The following PGR variants were observed in gnomAD, a reference collection of about 807,000 sequenced individuals.
PGR encodes the protein progesterone receptor.
A neutral mutation model predicts 76.1 loss-of-function variants in PGR; 25 were observed. The observed-to-expected ratio is 0.33, with a 90% CI of 0.24 to 0.46. The LOEUF (loss-of-function observed/expected upper bound fraction) is 0.46. Ranked by LOEUF, PGR falls within the 20% of genes least tolerant of loss-of-function variation. PGR has a pLI of 1.00. For synonymous variants in PGR, 579 were observed against 535.0 expected (o/e 1.08, Z -1.14); for missense variants, 1,172 against 1,225.3 (o/e 0.96, Z 0.65).
At chr11:101,066,333 C>T (rs1860713789) in intron 3 of PGR, among the ~76,000 whole-genome samples, 1 of 152,174 alleles carries the variant, frequency 6.6e-6, no homozygotes, top group African/African-American at 2.4e-5. Flanking sequence ...TTTTAACGCT[C>T]TTATTCATTT....
chr11:101,031,942 C>T lies in PGR; in HGVS notation c.*7174G>A, dbSNP rs577774701. 16 of 231,642 alleles carry T rather than the reference C, an allele frequency of 6.9e-5. No homozygotes were observed. Among genetic ancestry groups the T allele is most frequent in the South Asian group, 3.6e-4 (2 of 5,512 alleles). 14.3% of individuals were successfully genotyped at this position (231,642 alleles called of 1,614,324 possible). On this transcript the variant is annotated 3_prime_UTR_variant, in exon 8 of 8. Coordinates refer to ENST00000325455, the MANE Select transcript of PGR (RefSeq NM_000926.4). ...AAACTTGAACTGCTCTAGTCTTACC[C>T]GTGTGTATAGACCTGGACTTTGAGG... is the stretch of plus-strand genomic sequence containing the variant.
intron 6 of PGR, 128 bp downstream of exon 6, chr11:101,049,801 T>C (rs1436074035): frequency 5.8e-6 from 4 of 693,044 alleles, no homozygotes; most frequent in Non-Finnish European, 9.8e-6. Context: ...ATATATTGGG[T>C]ATTTCTTCTT....
intron 2 of PGR, among the ~76,000 whole-genome samples, chr11:101,100,739 G>T (rs1366685061): frequency 6.6e-6 from 1 of 151,956 alleles, no homozygotes; most frequent in South Asian, 2.1e-4. Flanking sequence ...TTCCTCACCA[G>T]GACATTTCAC....
At chr11:101,098,853 C>G (rs1389276683) in intron 2 of PGR, among the ~76,000 whole-genome samples, 3 of 152,182 alleles carry the variant, frequency 2.0e-5, no homozygotes, top group African/African-American at 7.2e-5. Context: ...AAACACTACA[C>G]AGAAAATGCC....
intron 7 of PGR, 91 bp downstream of exon 7, chr11:101,041,854 T>C: frequency 8.7e-7 from 1 of 1,144,924 alleles, no homozygotes; most frequent in Non-Finnish European, 1.3e-6. Context: ...TCTGAGAAAA[T>C]CATACAAAGT....
At chr11:101,127,343 G>T in intron 1 of PGR, 91 bp downstream of exon 1, 1 of 967,306 alleles carries the variant, frequency 1.0e-6, no homozygotes, top group Non-Finnish European at 1.4e-6. Flanking sequence ...GCAGCGGTGC[G>T]CTGGGGCTGG....
chr11:101,039,782 C>T (rs1220089046), intron 7 of PGR, among the ~76,000 whole-genome samples: 2 of 151,984 alleles, frequency 1.3e-5, no homozygotes, highest in Non-Finnish European at 2.9e-5. Context: ...AAAACAGCAG[C>T]AGCAGCAGCA....
At chr11:101,040,778 G>A (rs1220240392) in intron 7 of PGR, among the ~76,000 whole-genome samples, 4 of 151,964 alleles carry the variant, frequency 2.6e-5, no homozygotes, top group East Asian at 3.9e-4. Flanking sequence ...TAGAAAACTT[G>A]TATGTTTCAG....
intron 2 of PGR, among the ~76,000 whole-genome samples, chr11:101,112,653 G>C (rs1240441784): frequency 6.6e-6 from 1 of 152,028 alleles, no homozygotes; most frequent in Non-Finnish European, 1.5e-5. Context: ...GAGAATGAGG[G>C]GACTGTCTGC....
At chr11:101,079,346 G>A (rs574330050) in intron 3 of PGR, among the ~76,000 whole-genome samples, 31 of 152,002 alleles carry the variant, frequency 2.0e-4, no homozygotes, top group Non-Finnish European at 3.7e-4. Context: ...GACAAAGAAT[G>A]AGAGAAAATA....
Position 101,129,389 on chromosome 11 carries a change from C to T in PGR, c.-319G>A, listed in dbSNP as rs1473198730. The T allele has an allele frequency of 3.0e-6, 1 of 330,898 alleles. No homozygotes were observed. Among genetic ancestry groups the T allele is most frequent in the Non-Finnish European group, 5.5e-6 (1 of 180,836 alleles). 20.5% of individuals were successfully genotyped at this position (330,898 alleles called of 1,614,324 possible). On this transcript the variant is annotated 5_prime_UTR_variant, in exon 1 of 8. Coordinates refer to ENST00000325455, the MANE Select transcript of PGR (RefSeq NM_000926.4). ...TCGGGGAGTTCTCCAAGAGAGTTCTCCAACTTCTGTCCGAGGACTGGAGAC... is the reference window on the plus strand; with the variant it reads ...TCGGGGAGTTCTCCAAGAGAGTTCTTCAACTTCTGTCCGAGGACTGGAGAC...
intron 2 of PGR, among the ~76,000 whole-genome samples, chr11:101,101,665 T>C (rs983557509): frequency 1.3e-5 from 2 of 152,208 alleles, no homozygotes; most frequent in South Asian, 2.1e-4. Context: ...TTGGAACAGA[T>C]TGACTGTAGA....
At chr11:101,127,117 G>A (rs367556131) in intron 1 of PGR, 8 of 193,268 alleles carry the variant, frequency 4.1e-5, no homozygotes, top group African/African-American at 1.6e-4. Context: ...GACGCTGCAC[G>A]TTTTAAATCG....
chr11:101,089,844 A>G (rs585447), intron 3 of PGR, among the ~76,000 whole-genome samples: 17,923 of 151,764 alleles, frequency 0.12, 1,360 homozygotes, highest in Non-Finnish European at 0.16. Context: ...AAGCATAGGA[A>G]TAACAGGCTA....
At chr11:101,088,456 C>G (rs1008199545) in intron 3 of PGR, among the ~76,000 whole-genome samples, 5 of 152,128 alleles carry the variant, frequency 3.3e-5, no homozygotes, top group African/African-American at 7.2e-5. Context: ...CTCAGCCTCC[C>G]AAGTAGGTGG....
intron 2 of PGR, among the ~76,000 whole-genome samples, chr11:101,121,905 G>A (rs1052061334): frequency 6.6e-5 from 10 of 152,112 alleles, no homozygotes; most frequent in African/African-American, 1.2e-4. Flanking sequence ...GGTGGCTCAC[G>A]CCTGTAATCC....
intron 3 of PGR, among the ~76,000 whole-genome samples, chr11:101,075,795 G>A (rs990732370): frequency 5.9e-5 from 9 of 152,182 alleles, no homozygotes; most frequent in Non-Finnish European, 8.8e-5. Flanking sequence ...TTAGAATGAT[G>A]ACCATTAAAA....
intron 3 of PGR, among the ~76,000 whole-genome samples, chr11:101,064,506 G>C (rs1860642622): frequency 6.6e-6 from 1 of 152,048 alleles, no homozygotes; most frequent in African/African-American, 2.4e-5. Context: ...GAGTCACAAA[G>C]GGAAGGGAAG....
At chr11:101,062,867 G>GA (rs1565339218) in intron 3 of PGR, 115 bp from the exon 4 acceptor site, 42 of 613,448 alleles carry the variant, frequency 6.8e-5, no homozygotes, top group South Asian at 6.2e-4. Context: ...AGCATCAATC[G>GA]AATGAAATAG....
Sources: allele counts gnomAD v4.1 joint callset (sites outside exome capture counted in the v4.1 genomes callset), GRCh38; gene constraint gnomAD v4.1.1; transcripts MANE v1.5; gene names NCBI Gene and HGNC (gene_info 2026-07-23, HGNC 2026-07-21).